Variants in TRAPPC9 observed in about 807,000 individuals in gnomAD.
TRAPPC9 encodes IKK2 binding protein.
In TRAPPC9, 83 loss-of-function variants were observed where a neutral mutation model predicts 124.0. The observed-to-expected ratio is 0.67, with a 90% CI of 0.56 to 0.80. The LOEUF (loss-of-function observed/expected upper bound fraction) is 0.80, where lower values mean the gene tolerates loss of function less well. Among genes scored for constraint, TRAPPC9 ranks in the 30% least tolerant of loss-of-function variants. TRAPPC9 has a pLI of 0.00. For missense variants in TRAPPC9, 1,302 were observed against 1,508.3 expected, an observed-to-expected ratio of 0.86 and a Z score of 2.27; for synonymous variants, 638 against 617.5, an observed-to-expected ratio of 1.03 and a Z score of -0.49.
chr8:140,075,780 G>C (rs531765659), intron 17 of TRAPPC9, among the ~76,000 whole-genome samples: 7 of 152,192 alleles, frequency 4.6e-5, no homozygotes, highest in Admixed American at 4.6e-4. Flanking sequence ...TAGAGCCAAT[G>C]TCTGTGATAT....
At chr8:140,378,057 C>T (rs2068497121) in intron 7 of TRAPPC9, among the ~76,000 whole-genome samples, 1 of 152,166 alleles carries the variant, frequency 6.6e-6, no homozygotes, top group East Asian at 1.9e-4. Flanking sequence ...CTTCCGTGAA[C>T]CTTTTTCATG....
At chr8:140,292,806 C>G (rs2065697810) in intron 11 of TRAPPC9, among the ~76,000 whole-genome samples, 1 of 143,002 alleles carries the variant, frequency 7.0e-6, no homozygotes, top group Admixed American at 7.0e-5. Context: ...TAGGCATGGG[C>G]AAGGACTTCA....
intron 21 of TRAPPC9, among the ~76,000 whole-genome samples, chr8:139,812,185 A>G (rs778049315): frequency 2.6e-5 from 4 of 152,276 alleles, no homozygotes; most frequent in Non-Finnish European, 5.9e-5. Flanking sequence ...TCACAGAAAA[A>G]TAAACACTGC....
At chr8:140,051,724 C>T (rs971495709) in intron 17 of TRAPPC9, among the ~76,000 whole-genome samples, 1 of 151,748 alleles carries the variant, frequency 6.6e-6, no homozygotes, top group Admixed American at 6.6e-5. Context: ...AAGGATGCAT[C>T]GTAAGGACGG....
chr8:140,029,957 T>C (rs1321938190), intron 17 of TRAPPC9, among the ~76,000 whole-genome samples: 2 of 152,132 alleles, frequency 1.3e-5, no homozygotes, highest in Non-Finnish European at 2.9e-5. Flanking sequence ...CGGCCATCAA[T>C]AATGCAAGGC....
chr8:139,952,683 T>C (rs1834717011), intron 19 of TRAPPC9, among the ~76,000 whole-genome samples: 2 of 152,120 alleles, frequency 1.3e-5, no homozygotes, highest in Admixed American at 6.6e-5. Flanking sequence ...CGCCAGAGGA[T>C]GGGGCCGAGG....
chr8:140,424,141 T>G (rs967322541), intron 5 of TRAPPC9, among the ~76,000 whole-genome samples: 1 of 151,246 alleles, frequency 6.6e-6, no homozygotes, highest in Non-Finnish European at 1.5e-5. Context: ...CTAGTTTGTT[T>G]GTTTGTTTGT....
intron 21 of TRAPPC9, among the ~76,000 whole-genome samples, chr8:139,784,825 G>A (rs1411548278): frequency 6.6e-6 from 1 of 151,910 alleles, no homozygotes; most frequent in Non-Finnish European, 1.5e-5. Context: ...TCAAAAAAAT[G>A]AAGAGATATA....
chr8:139,900,468 C>A (rs1038019185), intron 20 of TRAPPC9, among the ~76,000 whole-genome samples: 1 of 152,228 alleles, frequency 6.6e-6, no homozygotes, highest in African/African-American at 2.4e-5. Context: ...TGGGGGCCTC[C>A]CTATGTTAAA....
intron 18 of TRAPPC9, among the ~76,000 whole-genome samples, chr8:140,015,032 A>T (rs1839373332): frequency 2.0e-5 from 3 of 152,254 alleles, no homozygotes; most frequent in Admixed American, 2.0e-4. Context: ...CCCCAGGAGT[A>T]AATAACTCAC....
intron 17 of TRAPPC9, among the ~76,000 whole-genome samples, chr8:140,108,793 G>A (rs1256696200): frequency 6.6e-6 from 1 of 152,194 alleles, no homozygotes. Flanking sequence ...GACCCGTGTA[G>A]TTAATATTTG....
rs559459109 is a variant in TRAPPC9, at chr8:139,965,882, G to A, written c.2810+22844C>T. 4.3e-5 allele frequency among the ~76,000 whole-genome samples: 5 copies of A among 115,702 alleles called. No individual in the cohort carries two copies. In the South Asian group the frequency reaches 1.4e-3, roughly 32 times the overall value. The allele number at this position is 115,702 out of a possible 152,430, so 75.9% of individuals were successfully genotyped here. On this transcript the variant is annotated intron_variant, in intron 19 of 22. Coordinates refer to ENST00000438773, the MANE Select transcript of TRAPPC9 (RefSeq NM_001160372.4). ...CCTTTAACCTAATCACCAATAAACAGCAGTGAGGGAAGCACAGCAGACTGA... is the reference window on the plus strand; with the variant it reads ...CCTTTAACCTAATCACCAATAAACAACAGTGAGGGAAGCACAGCAGACTGA...
chr8:139,829,816 T>C (rs532406139), intron 21 of TRAPPC9, among the ~76,000 whole-genome samples: 2 of 152,324 alleles, frequency 1.3e-5, no homozygotes, highest in East Asian at 3.9e-4. Flanking sequence ...AGCTAGGCTT[T>C]CCCACTTTCT....
At chr8:140,192,500 T>C (rs2062518218) in intron 17 of TRAPPC9, among the ~76,000 whole-genome samples, 4 of 152,110 alleles carry the variant, frequency 2.6e-5, no homozygotes, top group Admixed American at 2.6e-4. Flanking sequence ...TTTCTAGCAG[T>C]AAAAACAGGC....
intron 15 of TRAPPC9, among the ~76,000 whole-genome samples, chr8:140,268,472 A>T (rs2064764804): frequency 6.6e-6 from 1 of 152,274 alleles, no homozygotes; most frequent in Non-Finnish European, 1.5e-5. Context: ...AACAAGAATT[A>T]AAAAAGAATG....
intron 21 of TRAPPC9, among the ~76,000 whole-genome samples, chr8:139,765,824 C>T (rs943146429): frequency 6.6e-6 from 1 of 152,172 alleles, no homozygotes; most frequent in African/African-American, 2.4e-5. Flanking sequence ...AGCTCTTTCC[C>T]ACAACTGAAT....
chr8:139,813,282 C>A (rs1158006776), intron 21 of TRAPPC9, among the ~76,000 whole-genome samples: 2 of 152,244 alleles, frequency 1.3e-5, no homozygotes, highest in African/African-American at 4.8e-5. Flanking sequence ...AATGTCATGA[C>A]AAGGCACCTG....
chr8:140,454,134 C>A (rs1299399917), intron 1 of TRAPPC9, among the ~76,000 whole-genome samples: 1 of 151,556 alleles, frequency 6.6e-6, no homozygotes, highest in African/African-American at 2.4e-5. Flanking sequence ...ATTAAAAATA[C>A]AAAAATTAGC....
intron 7 of TRAPPC9, among the ~76,000 whole-genome samples, chr8:140,392,804 T>C (rs2068965118): frequency 6.6e-6 from 1 of 152,204 alleles, no homozygotes; most frequent in Non-Finnish European, 1.5e-5. Flanking sequence ...TTATAAGGAT[T>C]AAAGAAAATA....
Sources: gnomAD v4.1 joint callset for allele counts (sites outside exome capture counted in the v4.1 genomes callset) on GRCh38, gnomAD v4.1.1 for gene constraint, MANE v1.5 for transcripts, NCBI Gene and HGNC (gene_info 2026-07-23, HGNC 2026-07-21) for gene names.